NCAM2: variants seen among roughly 807,000 people sequenced by gnomAD.
The protein encoded by NCAM2 is neural cell adhesion molecule 2, also known as N-CAM-2.
NCAM2 carries 30 observed loss-of-function variants against 98.1 expected under a neutral mutation model. That is an observed-to-expected ratio of 0.31 (90% CI 0.23 to 0.41). The LOEUF (loss-of-function observed/expected upper bound fraction) is 0.41. Ranked by LOEUF, NCAM2 falls within the 10% of genes least tolerant of loss-of-function variation. NCAM2 has a pLI of 1.00. For synonymous variants in NCAM2, 368 were observed against 342.4 expected (o/e 1.07, Z -0.83); for missense variants, 867 against 1,005.8 (o/e 0.86, Z 1.87).
At chr21:21,007,767 G>C (rs561517250) in intron 1 of NCAM2, among the ~76,000 whole-genome samples, 1 of 152,192 alleles carries the variant, frequency 6.6e-6, no homozygotes, top group Admixed American at 6.5e-5. Flanking sequence ...ACTGCAGCCT[G>C]TTTTATCAGC....
intron 1 of NCAM2, among the ~76,000 whole-genome samples, chr21:21,130,686 A>T (rs2066915693): frequency 6.6e-6 from 1 of 151,990 alleles, no homozygotes; most frequent in Non-Finnish European, 1.5e-5. Context: ...AAATGCTTTA[A>T]TTTTTGCTTA....
intron 9 of NCAM2, among the ~76,000 whole-genome samples, chr21:21,407,225 C>T (rs899960192): frequency 6.6e-6 from 1 of 152,180 alleles, no homozygotes; most frequent in Non-Finnish European, 1.5e-5. Context: ...CAGTGAATAT[C>T]GCTGCCTTGC....
At chr21:21,504,293 A>C (rs936194440) in intron 15 of NCAM2, among the ~76,000 whole-genome samples, 1 of 151,968 alleles carries the variant, frequency 6.6e-6, no homozygotes, top group African/African-American at 2.4e-5. Flanking sequence ...TATGTAAATT[A>C]GAACTGATAA....
intron 16 of NCAM2, among the ~76,000 whole-genome samples, chr21:21,513,548 T>G (rs2146367414): frequency 6.6e-6 from 1 of 152,286 alleles, no homozygotes; most frequent in African/African-American, 2.4e-5. Context: ...TTTTCCGTTG[T>G]CAGAAAATAT....
At chr21:21,294,796 C>T (rs1485705507) in intron 5 of NCAM2, among the ~76,000 whole-genome samples, 2 of 142,218 alleles carry the variant, frequency 1.4e-5, no homozygotes, top group Non-Finnish European at 3.0e-5. Context: ...CTTACTGGCT[C>T]CTTTTAAATA....
At position 21,013,539 on chromosome 21, in the gene NCAM2, T is replaced by G. The variant is rs111662152; in HGVS notation, c.55+14921T>G. ...GCTCACACCTGTAATTTCAGCACTT[T>G]TGGAGGCTGAAGTGGGCAGATCATT... On this transcript the variant is annotated intron_variant, in intron 1 of 17. Coordinates refer to ENST00000400546, the MANE Select transcript of NCAM2 (RefSeq NM_004540.5). Among the ~76,000 whole-genome samples the G allele has an allele frequency of 4.6e-5, 7 of 152,104 alleles. No homozygotes were observed. The East Asian group carries it at 1.4e-3, about 29-fold the overall frequency.
chr21:21,530,251 T>TG (rs1989584977), intron 16 of NCAM2, among the ~76,000 whole-genome samples: 1 of 118,136 alleles, frequency 8.5e-6, no homozygotes, highest in Non-Finnish European at 1.8e-5. Context: ...AAATTAATTA[T>TG]ATATAATTTA....
At chr21:21,031,333 A>G (rs1418805407) in intron 1 of NCAM2, among the ~76,000 whole-genome samples, 2 of 152,196 alleles carry the variant, frequency 1.3e-5, no homozygotes, top group Non-Finnish European at 2.9e-5. Context: ...AATACCTTAA[A>G]TCGAGACATG....
At position 21,071,889 on chromosome 21, in the gene NCAM2, A is replaced by G. The variant is rs1312580411; in HGVS notation, c.55+73271A>G. On this transcript the variant is annotated intron_variant, in intron 1 of 17. Coordinates refer to ENST00000400546, the MANE Select transcript of NCAM2 (RefSeq NM_004540.5). The stretch of plus-strand genomic sequence containing the variant: ...TGTCTGCCTATCTATCTATCTATCT[A>G]TCTATCTATCTATCTATCTATCTAT... Among the ~76,000 whole-genome samples, 61 of 150,034 alleles carry G rather than the reference A, an allele frequency of 4.1e-4. 2 individuals carry two copies. The highest frequency in any genetic ancestry group is 1.5e-5 in the Non-Finnish European group (1 of 67,906).
intron 15 of NCAM2, among the ~76,000 whole-genome samples, chr21:21,491,966 G>A (rs116903257): frequency 0.017 from 2,571 of 151,362 alleles, 38 homozygotes; most frequent in Middle Eastern, 0.031. Flanking sequence ...CTTGATAATA[G>A]GATGATATCA....
intron 14 of NCAM2, among the ~76,000 whole-genome samples, chr21:21,471,922 A>G (rs763971577): frequency 6.6e-6 from 1 of 152,052 alleles, no homozygotes; most frequent in African/African-American, 2.4e-5. Flanking sequence ...TGGACTCTTC[A>G]TGAAAATTAA....
At chr21:21,194,414 A>G (rs1462377903) in intron 1 of NCAM2, among the ~76,000 whole-genome samples, 1 of 152,156 alleles carries the variant, frequency 6.6e-6, no homozygotes, top group Non-Finnish European at 1.5e-5. Context: ...TTTTACATCT[A>G]TTAACTCATA....
chr21:21,226,783 C>T (rs1215592715), intron 1 of NCAM2: 1 of 152,024 alleles, frequency 6.6e-6, no homozygotes, highest in Non-Finnish European at 1.5e-5. Context: ...ATAGTTGAAT[C>T]ACTTTAGAAA....
chr21:21,540,056 G>T lies in NCAM2; in HGVS notation c.*2099G>T, dbSNP rs868046291. 2.0e-5 allele frequency: 3 copies of T among 152,026 alleles called. No homozygotes were observed. The highest frequency in any genetic ancestry group is 2.9e-5 in the Non-Finnish European group (2 of 67,992). The allele number at this position is 152,026 out of a possible 1,614,324, so 9.4% of individuals were successfully genotyped here. A position where few individuals can be genotyped will look rare whatever the true frequency, so the allele number is the denominator to read the frequency against. ...AATTATTTCTAAATAGGGCCACATG[G>T]TTTTAAACTAATGATGGTGAAAGAA... On this transcript the variant is annotated 3_prime_UTR_variant, in exon 18 of 18. Transcript: ENST00000400546.
intron 1 of NCAM2, among the ~76,000 whole-genome samples, chr21:21,080,279 C>T (rs1053690692): frequency 5.3e-5 from 8 of 151,872 alleles, no homozygotes; most frequent in Admixed American, 5.3e-4. Flanking sequence ...GATAAAATGT[C>T]CAAAAAACCC....
chr21:21,122,889 A>C (rs1409775762), intron 1 of NCAM2, among the ~76,000 whole-genome samples: 1 of 152,146 alleles, frequency 6.6e-6, no homozygotes, highest in Non-Finnish European at 1.5e-5. Context: ...CTGTGGTGCA[A>C]ACTATCTATT....
At chr21:21,260,928 A>G (rs2071872489) in intron 1 of NCAM2, among the ~76,000 whole-genome samples, 1 of 152,124 alleles carries the variant, frequency 6.6e-6, no homozygotes, top group Admixed American at 6.6e-5. Flanking sequence ...GATTAAAAAA[A>G]ATACTCAACC....
intron 15 of NCAM2, among the ~76,000 whole-genome samples, chr21:21,502,998 A>G (rs1371333426): frequency 6.6e-6 from 1 of 152,024 alleles, no homozygotes; most frequent in Non-Finnish European, 1.5e-5. Context: ...CTAATAGTGC[A>G]GTGGTTTTTG....
At position 21,460,782 on chromosome 21, in the gene NCAM2, A is replaced by G. The variant is rs183752940; in HGVS notation, c.1655-5824A>G. On this transcript the variant is annotated intron_variant, in intron 12 of 17. Transcript: ENST00000400546. The stretch of plus-strand genomic sequence containing the variant: ...TCTCACAGTATAGTAGCCAAATACA[A>G]TAATGAGGGTGTGATCAATAACTGA... Among the ~76,000 whole-genome samples the G allele has an allele frequency of 2.3e-3, 347 of 152,086 alleles. 2 individuals are homozygous for G. The highest frequency in any genetic ancestry group is 7.9e-3 in the African/African-American group (328 of 41,560).
Sources: allele counts gnomAD v4.1 joint callset (sites outside exome capture counted in the v4.1 genomes callset), GRCh38; gene constraint gnomAD v4.1.1; transcripts MANE v1.5; gene names NCBI Gene and HGNC (gene_info 2026-07-23, HGNC 2026-07-21).